FANK1: variants seen among roughly 807,000 people sequenced by gnomAD.
FANK1 encodes the protein fibronectin type III and ankyrin repeat domains 1.
A neutral mutation model predicts 45.3 loss-of-function variants in FANK1; 44 were observed. The ratio of observed to expected loss-of-function variants is 0.97; its 90% confidence interval spans 0.76 to 1.25. The LOEUF (loss-of-function observed/expected upper bound fraction) is 1.25. FANK1 is among the 50% of genes most tolerant of loss of function. The probability of loss-of-function intolerance (pLI) is 0.00; values close to 1 mark genes in which losing one functional copy is unlikely to be tolerated. For synonymous variants in FANK1, 149 were observed against 152.5 expected, an observed-to-expected ratio of 0.98 and a Z score of 0.17; for missense variants, 391 against 424.4, an observed-to-expected ratio of 0.92 and a Z score of 0.69.
At chr10:125,954,201 G>A (rs1949431949) in intron 1 of FANK1, among the ~76,000 whole-genome samples, 2 of 147,262 alleles carry the variant, frequency 1.4e-5, no homozygotes, top group South Asian at 2.2e-4. Context: ...GACAGGAGGG[G>A]TAATTTACAG....
At chr10:125,944,853 T>C (rs919738120) in intron 1 of FANK1, among the ~76,000 whole-genome samples, 1 of 152,206 alleles carries the variant, frequency 6.6e-6, no homozygotes, top group African/African-American at 2.4e-5. Flanking sequence ...TGTCAGTAAA[T>C]ACGTGGGTAA....
rs138690748 is a variant in FANK1, at chr10:125,985,613, T to G, written c.192-2938T>G. ...TTTCTTCATTGTCTTTCCTACAGTT[T>G]CTTTTTTGTTGATACATACTATCTC... is the stretch of plus-strand genomic sequence containing the variant. On this transcript the variant is annotated intron_variant, in intron 2 of 10. Coordinates refer to ENST00000368693, the MANE Select transcript of FANK1 (RefSeq NM_145235.5). Among the ~76,000 whole-genome samples, 14 of 152,364 alleles carry G rather than the reference T, an allele frequency of 9.2e-5. No individual in the cohort carries two copies. In the East Asian group the frequency reaches 1.9e-3, roughly 21 times the overall value.
At chr10:125,955,977 C>T (rs34510016) in intron 1 of FANK1, among the ~76,000 whole-genome samples, 4 of 151,968 alleles carry the variant, frequency 2.6e-5, no homozygotes, top group East Asian at 3.9e-4. Context: ...TTCTAGTCAA[C>T]GGAACTATGA....
At position 126,006,685 on chromosome 10, in the gene FANK1, C is replaced by A. The variant is rs181754871; in HGVS notation, c.705+1636C>A. On this transcript the variant is annotated intron_variant, in intron 7 of 10. Coordinates refer to ENST00000368693, the MANE Select transcript of FANK1 (RefSeq NM_145235.5). ...GACCAACCTGGCCAACATGGTGAAA[C>A]CCTGTCTCTACTAAAAATACAAAAA... 2.2e-3 allele frequency among the ~76,000 whole-genome samples: 339 copies of A among 152,286 alleles called. 1 individual carries two copies. Among genetic ancestry groups the A allele is most frequent in the African/African-American group, 7.9e-3 (328 of 41,552 alleles).
At chr10:125,989,191 A>G in intron 3 of FANK1, 1 of 1,148,172 alleles carries the variant, frequency 8.7e-7, no homozygotes, top group South Asian at 1.4e-5. Flanking sequence ...CCCCACATGG[A>G]GACCTCTGAG....
intron 1 of FANK1, among the ~76,000 whole-genome samples, chr10:125,976,733 C>T (rs1564933699): frequency 6.6e-6 from 1 of 152,130 alleles, no homozygotes; most frequent in Non-Finnish European, 1.5e-5. Flanking sequence ...AGCGATTCTC[C>T]TACCTCAGCC....
intron 1 of FANK1, among the ~76,000 whole-genome samples, chr10:125,915,649 A>G (rs1486108538): frequency 6.6e-6 from 1 of 152,188 alleles, no homozygotes; most frequent in Non-Finnish European, 1.5e-5. Flanking sequence ...TGTCTCTACA[A>G]AAAAAGTTCC....
chr10:126,006,196 G>A (rs773273328), intron 7 of FANK1, among the ~76,000 whole-genome samples: 1 of 152,204 alleles, frequency 6.6e-6, no homozygotes, highest in Non-Finnish European at 1.5e-5. Context: ...GAAAAGTCAT[G>A]TCTCCTGGAA....
chr10:125,983,335 G>A lies in FANK1; in HGVS notation c.191+2997G>A, dbSNP rs1034253571. Among the ~76,000 whole-genome samples, 1 of 152,098 alleles carries A rather than the reference G, an allele frequency of 6.6e-6. No homozygotes were observed. Among genetic ancestry groups the A allele is most frequent in the Non-Finnish European group, 1.5e-5 (1 of 68,038 alleles). ...CACGCATTCCATTTATTCCATCAGC[G>A]TGTATTATTGAGTGTCTGCCGTGTG... is the stretch of plus-strand genomic sequence containing the variant. On this transcript the variant is annotated intron_variant, in intron 2 of 10. Coordinates refer to ENST00000368693, the MANE Select transcript of FANK1 (RefSeq NM_145235.5). This position sits in a 1 kb window ranked among gnomAD's most constrained non-coding sequence, Gnocchi z 4.3.
intron 1 of FANK1, among the ~76,000 whole-genome samples, chr10:125,978,370 T>G (rs1337450351): frequency 6.6e-6 from 1 of 152,058 alleles, no homozygotes; most frequent in African/African-American, 2.4e-5. Context: ...AGGGGTCCGC[T>G]TCAGCCCCTG....
rs556204530 is a variant in FANK1, at chr10:125,933,604, C to T, written c.13+36949C>T. Among the ~76,000 whole-genome samples, 467 of 151,928 alleles carry T rather than the reference C, an allele frequency of 3.1e-3. 1 individual carries two copies. Among genetic ancestry groups the T allele is most frequent in the African/African-American group, 0.011 (456 of 41,472 alleles). ...CCAGCTTTTTGTTTCATTTATGTTT[C>T]GTCTTTTTTGTTTGTTTCAATTTCA... is the stretch of plus-strand genomic sequence containing the variant. On this transcript the variant is annotated intron_variant, in intron 1 of 10. Transcript: ENST00000368693.
intron 1 of FANK1, among the ~76,000 whole-genome samples, chr10:125,929,900 C>A (rs1249370846): frequency 6.6e-6 from 1 of 152,168 alleles, no homozygotes; most frequent in Non-Finnish European, 1.5e-5. Flanking sequence ...CAATTTACGG[C>A]ATACACCTTA....
chr10:125,961,085 C>T (rs543724789), intron 1 of FANK1, among the ~76,000 whole-genome samples: 3 of 152,236 alleles, frequency 2.0e-5, no homozygotes, highest in Admixed American at 6.5e-5. Context: ...GTAATGTATT[C>T]GTCTACAGCC....
intron 1 of FANK1, among the ~76,000 whole-genome samples, chr10:125,920,067 G>A (rs1361340160): frequency 6.6e-6 from 1 of 152,036 alleles, no homozygotes; most frequent in East Asian, 1.9e-4. Flanking sequence ...CTTGGACTTG[G>A]GAGATGACTC....
At chr10:126,002,974 C>T (rs1355492260) in intron 6 of FANK1, among the ~76,000 whole-genome samples, 1 of 152,046 alleles carries the variant, frequency 6.6e-6, no homozygotes, top group Non-Finnish European at 1.5e-5. Context: ...AACCTGTTCC[C>T]CAAAGGTCTT....
chr10:125,927,053 C>T (rs1310477114), intron 1 of FANK1, among the ~76,000 whole-genome samples: 3 of 152,176 alleles, frequency 2.0e-5, no homozygotes, highest in Non-Finnish European at 4.4e-5. Context: ...ATCTGCCTGC[C>T]TTAGCCTCCC....
chr10:125,901,613 T>C (rs1401891215), intron 1 of FANK1, among the ~76,000 whole-genome samples: 14 of 152,222 alleles, frequency 9.2e-5, no homozygotes, highest in African/African-American at 2.7e-4. Flanking sequence ...CTTTCAGGAC[T>C]GTGGCTCTGA....
chr10:125,941,439 C>T (rs1029656040), intron 1 of FANK1, among the ~76,000 whole-genome samples: 1 of 152,192 alleles, frequency 6.6e-6, no homozygotes, highest in South Asian at 2.1e-4. Flanking sequence ...AGTGGAAACT[C>T]ATACTTCTGG....
intron 6 of FANK1, among the ~76,000 whole-genome samples, chr10:126,003,577 C>T (rs1208095486): frequency 6.6e-6 from 1 of 152,146 alleles, no homozygotes; most frequent in African/African-American, 2.4e-5. Context: ...ATTTTCTTCT[C>T]TGTAAAGATA....
Sources: allele counts gnomAD v4.1 joint callset (sites outside exome capture counted in the v4.1 genomes callset), GRCh38; gene constraint gnomAD v4.1.1; non-coding constraint Gnocchi (gnomAD v3.1); transcripts MANE v1.5; gene names NCBI Gene and HGNC (gene_info 2026-07-23, HGNC 2026-07-21).